FARS2: variants seen among roughly 807,000 people sequenced by gnomAD.
FARS2 encodes phenylalanine--tRNA ligase, mitochondrial.
Under a neutral mutation model 46.4 loss-of-function variants are expected in FARS2, and 40 were observed. The ratio of observed to expected loss-of-function variants is 0.86; its 90% CI spans 0.67 to 1.12. The LOEUF (loss-of-function observed/expected upper bound fraction) is 1.12. Ranked by LOEUF, FARS2 falls within the 50% of genes most tolerant of loss-of-function variation. The pLI, the probability that FARS2 is intolerant of heterozygous loss-of-function variation, is 0.00. For synonymous variants in FARS2, 234 were observed against 214.9 expected, an observed-to-expected ratio of 1.09 and a Z score of -0.78; for missense variants, 513 against 567.9, an observed-to-expected ratio of 0.90 and a Z score of 0.98.
chr6:5,537,506 C>T (rs1010659522), intron 4 of FARS2, among the ~76,000 whole-genome samples: 3 of 149,970 alleles, frequency 2.0e-5, no homozygotes, highest in Admixed American at 2.0e-4. Context: ...GGAGATGTCC[C>T]GGGCCTCCTC....
chr6:5,665,412 C>T lies in FARS2; in HGVS notation c.1217+52092C>T, dbSNP rs549504464. On this transcript the variant is annotated intron_variant, in intron 6 of 6. Coordinates refer to ENST00000274680, the MANE Select transcript of FARS2 (RefSeq NM_006567.5). ...GTGTGCGGAGGTCACGATGCAGCTC[C>T]ATCTTCAAAACAGGAAGCATTTCTC... 5 of 152,306 alleles carry T rather than the reference C, an allele frequency of 3.3e-5. No homozygotes were observed. The East Asian group carries it at 9.6e-4, about 29-fold the overall frequency. 9.4% of individuals were successfully genotyped at this position (152,306 alleles called of 1,614,324 possible). A position where few individuals can be genotyped will look rare whatever the true frequency, so the allele number is the denominator to read the frequency against.
chr6:5,445,396 T>C (rs139687701), intron 4 of FARS2, among the ~76,000 whole-genome samples: 214 of 152,358 alleles, frequency 1.4e-3, no homozygotes, highest in African/African-American at 4.9e-3. Context: ...CACAATCTGC[T>C]AAGTTATTTT....
At chr6:5,460,249 A>G (rs895657228) in intron 4 of FARS2, among the ~76,000 whole-genome samples, 3 of 152,134 alleles carry the variant, frequency 2.0e-5, no homozygotes, top group African/African-American at 7.2e-5. Flanking sequence ...ATTCACATAC[A>G]TCGCTCTTTT....
intron 5 of FARS2, among the ~76,000 whole-genome samples, chr6:5,552,673 T>C (rs74825503): frequency 0.023 from 3,551 of 152,338 alleles, 139 homozygotes; most frequent in African/African-American, 0.08. Flanking sequence ...AAAATGTGAT[T>C]TTAATTTTTG....
At chr6:5,586,425 T>C (rs1295837815) in intron 5 of FARS2, among the ~76,000 whole-genome samples, 2 of 152,150 alleles carry the variant, frequency 1.3e-5, no homozygotes, top group Admixed American at 1.3e-4. Flanking sequence ...TGTCAAATCC[T>C]TTTTCTACCT....
chr6:5,367,780 G>T (rs1295386196), intron 1 of FARS2, among the ~76,000 whole-genome samples: 1 of 152,118 alleles, frequency 6.6e-6, no homozygotes, highest in Non-Finnish European at 1.5e-5. Context: ...TAATTGAGAG[G>T]ATGCCACAAA....
At chr6:5,253,142 T>C in the FARS2 span, among the ~76,000 whole-genome samples, 12 of 152,234 alleles carry the variant, frequency 7.9e-5, no homozygotes, top group Admixed American at 7.2e-4. Flanking sequence ...AACACATTAA[T>C]AAAAACTCAA....
At chr6:5,367,349 G>C (rs1412020357) in intron 1 of FARS2, among the ~76,000 whole-genome samples, 1 of 152,166 alleles carries the variant, frequency 6.6e-6, no homozygotes, top group Non-Finnish European at 1.5e-5. Context: ...CATTTTAGAA[G>C]ATGGATTTTT....
At chr6:5,667,256 A>C (rs373502949) in intron 6 of FARS2, among the ~76,000 whole-genome samples, 71 of 152,338 alleles carry the variant, frequency 4.7e-4, no homozygotes, top group African/African-American at 1.7e-3. Context: ...ACAGTGGCTC[A>C]CGCCTGTAAT....
At chr6:5,687,631 G>T (rs1363835658) in intron 6 of FARS2, among the ~76,000 whole-genome samples, 1 of 152,182 alleles carries the variant, frequency 6.6e-6, no homozygotes, top group Non-Finnish European at 1.5e-5. Flanking sequence ...GTCAGGTAGG[G>T]TGATACCTCC....
chr6:5,686,069 A>T (rs1413595310), intron 6 of FARS2, among the ~76,000 whole-genome samples: 1 of 152,176 alleles, frequency 6.6e-6, no homozygotes, highest in Non-Finnish European at 1.5e-5. Context: ...AGACTGGTGG[A>T]TGATGAGATT....
chr6:5,682,819 G>A (rs1043382322), intron 6 of FARS2, among the ~76,000 whole-genome samples: 5 of 152,204 alleles, frequency 3.3e-5, no homozygotes, highest in Admixed American at 6.5e-5. Flanking sequence ...AGTGACACCC[G>A]CAGTGAAGAA....
intron 5 of FARS2, among the ~76,000 whole-genome samples, chr6:5,604,382 C>A (rs559695031): frequency 6.6e-6 from 1 of 152,272 alleles, no homozygotes; most frequent in Non-Finnish European, 1.5e-5. Flanking sequence ...AGTTTCCCCC[C>A]CAGAAAGCAA....
intron 5 of FARS2, among the ~76,000 whole-genome samples, chr6:5,566,376 C>T (rs1053026829): frequency 1.3e-5 from 2 of 152,120 alleles, no homozygotes; most frequent in Non-Finnish European, 2.9e-5. Flanking sequence ...ATTTCTGATA[C>T]CCCCAAAACT....
At position 5,284,057 on chromosome 6, in the gene FARS2, G is replaced by A. The variant is rs1420751909; in HGVS notation, c.-22+22397G>A. 3.9e-5 allele frequency among the ~76,000 whole-genome samples: 6 copies of A among 152,202 alleles called. No individual in the cohort carries two copies. The East Asian group carries it at 1.2e-3, about 29-fold the overall frequency. ...CCTCTTTCTTAGACCCTTACTGATA[G>A]TGTTATCAAACAATTTGATCTTTCC... On this transcript the variant is annotated intron_variant, in intron 1 of 6. Coordinates refer to ENST00000274680, the MANE Select transcript of FARS2 (RefSeq NM_006567.5).
At chr6:5,564,347 T>A (rs1772198706) in intron 5 of FARS2, among the ~76,000 whole-genome samples, 1 of 152,234 alleles carries the variant, frequency 6.6e-6, no homozygotes, top group Non-Finnish European at 1.5e-5. Context: ...CTCACTTTCA[T>A]TACCCGGCAG....
At chr6:5,260,231 A>G (rs961518312), upstream of FARS2, among the ~76,000 whole-genome samples, 1 of 152,194 alleles carries the variant, frequency 6.6e-6, no homozygotes, top group African/African-American at 2.4e-5. Context: ...GCTTTGTCGC[A>G]GTGTACTACT....
intron 2 of FARS2, among the ~76,000 whole-genome samples, chr6:5,372,571 G>A (rs1280399132): frequency 6.6e-6 from 1 of 152,068 alleles, no homozygotes; most frequent in Non-Finnish European, 1.5e-5. Flanking sequence ...CAATAAGAAA[G>A]TATAATAAAA....
chr6:5,754,169 G>A (rs1052142828), intron 6 of FARS2, among the ~76,000 whole-genome samples: 7 of 152,176 alleles, frequency 4.6e-5, no homozygotes, highest in African/African-American at 1.7e-4. Context: ...TGACTTAAAG[G>A]TGATGAAACT....
Sources: gnomAD v4.1 joint callset for allele counts (sites outside exome capture counted in the v4.1 genomes callset) on GRCh38, gnomAD v4.1.1 for gene constraint, MANE v1.5 for transcripts, NCBI Gene and HGNC (gene_info 2026-07-23, HGNC 2026-07-21) for gene names.